The following THSD4 variants were observed in gnomAD, a reference collection of about 807,000 sequenced individuals.
THSD4 encodes thrombospondin type-1 domain-containing protein 4.
Under a neutral mutation model 119.0 loss-of-function variants are expected in THSD4, and 69 were observed. The ratio of observed to expected loss-of-function variants is 0.58; its 90% CI spans 0.48 to 0.71. The LOEUF is 0.71. Ranked by LOEUF, THSD4 falls within the 30% of genes least tolerant of loss-of-function variation. The pLI, the probability that THSD4 is intolerant of heterozygous loss-of-function variation, is 0.00. For synonymous variants in THSD4, 524 were observed against 540.4 expected (o/e 0.97, Z 0.42); for missense variants, 1,393 against 1,391.1 (o/e 1.00, Z -0.02).
chr15:71,585,855 T>C (rs976651000), intron 7 of THSD4, among the ~76,000 whole-genome samples: 11 of 152,214 alleles, frequency 7.2e-5, no homozygotes, highest in African/African-American at 2.7e-4. Context: ...TTCTTCTGCG[T>C]GATTGAGTCT....
chr15:71,430,602 C>G (rs888808426), intron 7 of THSD4, among the ~76,000 whole-genome samples: 9 of 151,616 alleles, frequency 5.9e-5, no homozygotes, highest in African/African-American at 1.9e-4. Context: ...ACTAAAAATA[C>G]TAAAATTAGC....
intron 1 of THSD4, among the ~76,000 whole-genome samples, chr15:71,103,451 C>T (rs2040261689): frequency 6.6e-6 from 1 of 152,164 alleles, no homozygotes; most frequent in Non-Finnish European, 1.5e-5. Flanking sequence ...TCCCTACTCT[C>T]CGTGATCTCC....
chr15:71,241,811 A>G (rs1335797694), intron 4 of THSD4, among the ~76,000 whole-genome samples: 2 of 152,162 alleles, frequency 1.3e-5, no homozygotes, highest in South Asian at 2.1e-4. Flanking sequence ...TGTCCAACCC[A>G]TGGCCCATGG....
intron 7 of THSD4, among the ~76,000 whole-genome samples, chr15:71,443,066 G>T (rs950515852): frequency 6.6e-6 from 1 of 152,036 alleles, no homozygotes; most frequent in African/African-American, 2.4e-5. Flanking sequence ...CAAGAGAAAG[G>T]GGGAGAAAGA....
chr15:71,318,934 T>C (rs2045227952), intron 6 of THSD4, among the ~76,000 whole-genome samples: 1 of 152,108 alleles, frequency 6.6e-6, no homozygotes, highest in South Asian at 2.1e-4. Flanking sequence ...GGGTTTAGCT[T>C]TGGATAATTT....
intron 11 of THSD4, among the ~76,000 whole-genome samples, chr15:71,743,528 T>C (rs2053276331): frequency 6.6e-6 from 1 of 152,214 alleles, no homozygotes; most frequent in African/African-American, 2.4e-5. Flanking sequence ...TTCTATTTAA[T>C]GGAAGGAGAT....
chr15:71,638,976 G>A (rs911876673), intron 7 of THSD4, among the ~76,000 whole-genome samples: 1 of 152,092 alleles, frequency 6.6e-6, no homozygotes, highest in African/African-American at 2.4e-5. Context: ...AGCCATCTTT[G>A]CAGTCATGTC....
chr15:71,384,145 C>T (rs1040872205), intron 6 of THSD4, among the ~76,000 whole-genome samples: 33 of 152,220 alleles, frequency 2.2e-4, no homozygotes, highest in Non-Finnish European at 4.4e-4. Flanking sequence ...TTTGGGAGGC[C>T]GAGGCGGGCG....
At chr15:71,265,276 T>A (rs1317472148) in intron 6 of THSD4, among the ~76,000 whole-genome samples, 2 of 152,004 alleles carry the variant, frequency 1.3e-5, no homozygotes, top group Non-Finnish European at 2.9e-5. Context: ...CTGGGACTGG[T>A]TAGACAGTAG....
chr15:71,717,761 C>T (rs376662268), intron 8 of THSD4, among the ~76,000 whole-genome samples: 138 of 152,268 alleles, frequency 9.1e-4, no homozygotes, highest in African/African-American at 3.3e-3. Context: ...AGACCCCCCA[C>T]CACCATGAGA....
At chr15:71,117,043 G>A (rs576265389) in intron 1 of THSD4, among the ~76,000 whole-genome samples, 4 of 151,998 alleles carry the variant, frequency 2.6e-5, no homozygotes, top group African/African-American at 9.7e-5. Flanking sequence ...ATAAATCTCT[G>A]CAGGGCTGGA....
At chr15:71,679,368 T>G (rs2051722232) in intron 8 of THSD4, among the ~76,000 whole-genome samples, 1 of 152,222 alleles carries the variant, frequency 6.6e-6, no homozygotes, top group South Asian at 2.1e-4. Flanking sequence ...ATTTGGCCTC[T>G]GTTACAGCTA....
At chr15:71,721,133 G>A (rs1041791272) in intron 8 of THSD4, among the ~76,000 whole-genome samples, 5 of 152,038 alleles carry the variant, frequency 3.3e-5, no homozygotes, top group Admixed American at 1.3e-4. Context: ...TTGGGAGGCC[G>A]AGGCAGGCAG....
chr15:71,115,913 C>G lies in THSD4; in HGVS notation c.-80+215C>G, dbSNP rs1300264674. Among the ~76,000 whole-genome samples, 1 of 152,124 alleles carries G rather than the reference C, an allele frequency of 6.6e-6. No individual in the cohort carries two copies. The highest frequency in any genetic ancestry group is 1.5e-5 in the Non-Finnish European group (1 of 68,004). ...CGTGCGGACGGCTGCGCCTCCTTCT[C>G]TGGTTCTCTTCCTTGCTGGGAGTCT... On this transcript the variant is annotated intron_variant, in intron 1 of 17. Coordinates refer to ENST00000261862, the MANE Select transcript of THSD4 (RefSeq NM_024817.3). The surrounding 1 kb of genome is among the most constrained non-coding windows in gnomAD (Gnocchi z 4.4).
intron 15 of THSD4, among the ~76,000 whole-genome samples, chr15:71,760,021 G>C (rs570434130): frequency 2.0e-5 from 3 of 152,094 alleles, no homozygotes; most frequent in African/African-American, 7.2e-5. Context: ...TGAAATAAGA[G>C]CATGCTTATT....
chr15:71,238,792 T>G (rs933921912), intron 4 of THSD4, among the ~76,000 whole-genome samples: 1 of 152,226 alleles, frequency 6.6e-6, no homozygotes, highest in Non-Finnish European at 1.5e-5. Flanking sequence ...TGTTTTCATT[T>G]CTCTTGGGCA....
rs530471746 is a variant in THSD4, at chr15:71,097,728, A to T, written c.-80+722A>T. 8.0e-3 allele frequency among the ~76,000 whole-genome samples: 1,121 copies of T among 140,600 alleles called. 13 individuals carry two copies. Among genetic ancestry groups the T allele is most frequent in the African/African-American group, 0.023 (847 of 36,916 alleles). The allele number at this position is 140,600 out of a possible 152,430, so 92.2% of individuals were successfully genotyped here. A position where few individuals can be genotyped will look rare whatever the true frequency, so the allele number is the denominator to read the frequency against. The stretch of plus-strand genomic sequence containing the variant: ...AAGATGTATATATATATATATATAT[A>T]TTTTTTTTTTTAAGTCCAAAGCAAA... On this transcript the variant is annotated intron_variant, in intron 1 of 17. Transcript: ENST00000355327.
rs2054015825 is a variant in THSD4, at chr15:71,782,672, A to G, written c.*5298A>G. On this transcript the variant is annotated 3_prime_UTR_variant, in exon 18 of 18. Coordinates refer to ENST00000261862, the MANE Select transcript of THSD4 (RefSeq NM_024817.3). ...TGTCTTTTTCTCAGTCCATAGTTAC[A>G]ATTGTTTAGTATGCTAATCAGTCCA... 6.6e-6 allele frequency: 1 copy of G among 152,212 alleles called. No individual in the cohort carries two copies. The highest frequency in any genetic ancestry group is 2.4e-5 in the African/African-American group (1 of 41,438). The allele number at this position is 152,212 out of a possible 1,614,324, so 9.4% of individuals were successfully genotyped here.
intron 8 of THSD4, among the ~76,000 whole-genome samples, chr15:71,703,355 A>G (rs567973968): frequency 1.9e-4 from 29 of 152,306 alleles, no homozygotes; most frequent in South Asian, 1.5e-3. Context: ...TTATTATTAT[A>G]TGGCAGGTGA....
Sources: gnomAD v4.1 joint callset for allele counts (sites outside exome capture counted in the v4.1 genomes callset) on GRCh38, gnomAD v4.1.1 for gene constraint, Gnocchi (gnomAD v3.1) non-coding constraint, MANE v1.5 for transcripts, NCBI Gene and HGNC (gene_info 2026-07-23, HGNC 2026-07-21) for gene names.